CACUL1: variants seen among roughly 807,000 people sequenced by gnomAD.
The protein encoded by CACUL1 is CDK2 associated cullin domain 1.
CACUL1 carries 13 observed loss-of-function variants against 45.2 expected under a neutral mutation model. The ratio of observed to expected loss-of-function variants is 0.29; its 90% CI spans 0.19 to 0.46. The LOEUF (loss-of-function observed/expected upper bound fraction) is 0.46, where lower values mean the gene tolerates loss of function less well. CACUL1 is among the 20% of genes least tolerant of loss of function. The pLI is 1.00. For synonymous variants in CACUL1, 197 were observed against 174.2 expected, an observed-to-expected ratio of 1.13 and a Z score of -1.03; for missense variants, 421 against 471.4, an observed-to-expected ratio of 0.89 and a Z score of 0.99.
intron 2 of CACUL1, 87 bp downstream of exon 2, chr10:118,730,197 A>G: frequency 7.4e-7 from 1 of 1,350,426 alleles, no homozygotes; most frequent in Admixed American, 1.7e-5. Context: ...TATGCATTCT[A>G]CATTACATGT....
rs144869834 is a variant in CACUL1 at position 118,724,045 on chromosome 10, A to G, written c.597+5250T>C. ...CTCCCAAAGTGCTGGGATTACAGGC[A>G]TGAGCCACCACACCTGGCCGAATCA... On this transcript the variant is annotated intron_variant, in intron 3 of 8. Coordinates refer to ENST00000369151, the MANE Select transcript of CACUL1 (RefSeq NM_153810.5). Among the ~76,000 whole-genome samples, 715 of 152,246 alleles carry G rather than the reference A, an allele frequency of 4.7e-3. 3 individuals carry two copies. Among genetic ancestry groups the G allele is most frequent in the African/African-American group, 0.016 (675 of 41,540 alleles).
chr10:118,723,038 G>A (rs1009573299), intron 3 of CACUL1, among the ~76,000 whole-genome samples: 1 of 152,028 alleles, frequency 6.6e-6, no homozygotes, highest in African/African-American at 2.4e-5. Context: ...GTGCCCATGG[G>A]GTAGCCCTGA....
At chr10:118,694,587 T>G (rs1033893915) in intron 6 of CACUL1, among the ~76,000 whole-genome samples, 2 of 152,240 alleles carry the variant, frequency 1.3e-5, no homozygotes, top group African/African-American at 4.8e-5. Flanking sequence ...AAAAGCTCCT[T>G]GGGATTCCTT....
intron 3 of CACUL1, among the ~76,000 whole-genome samples, chr10:118,725,938 CA>C (rs1845648006): frequency 6.6e-6 from 1 of 152,200 alleles, no homozygotes; most frequent in Non-Finnish European, 1.5e-5. Flanking sequence ...GTCCCTCTGA[CA>C]TATAAACTAT....
chr10:118,690,944 G>A (rs1343359831), intron 7 of CACUL1, among the ~76,000 whole-genome samples: 1 of 152,170 alleles, frequency 6.6e-6, no homozygotes, highest in East Asian at 1.9e-4. Context: ...CCAGCTACTT[G>A]GGAGGCTAAG....
chr10:118,736,042 G>A (rs200730513), intron 1 of CACUL1, among the ~76,000 whole-genome samples: 1 of 152,170 alleles, frequency 6.6e-6, no homozygotes, highest in South Asian at 2.1e-4. Context: ...CTGCCTGAAT[G>A]TTCCAGCAAA....
chr10:118,727,660 C>A (rs1421236193), intron 3 of CACUL1, among the ~76,000 whole-genome samples: 1 of 152,148 alleles, frequency 6.6e-6, no homozygotes. Flanking sequence ...CACTTCAGCA[C>A]TGTTAGTAAT....
chr10:118,720,900 AG>A (rs1204175814), intron 3 of CACUL1, among the ~76,000 whole-genome samples: 1 of 152,066 alleles, frequency 6.6e-6, no homozygotes, highest in Non-Finnish European at 1.5e-5. Flanking sequence ...AACTGCTTTA[AG>A]TTCTAGTAGA....
intron 1 of CACUL1, among the ~76,000 whole-genome samples, chr10:118,753,897 G>A (rs1315865793): frequency 5.9e-5 from 9 of 152,200 alleles, no homozygotes; most frequent in Non-Finnish European, 1.0e-4. Context: ...TGTAGATATA[G>A]GTCAACTTTC....
intron 3 of CACUL1, among the ~76,000 whole-genome samples, chr10:118,725,588 T>A (rs1172553006): frequency 6.6e-6 from 1 of 152,172 alleles, no homozygotes; most frequent in African/African-American, 2.4e-5. Flanking sequence ...AATGTATAGA[T>A]ACACATGCAG....
At chr10:118,731,256 G>C (rs1845695177) in intron 1 of CACUL1, among the ~76,000 whole-genome samples, 1 of 152,124 alleles carries the variant, frequency 6.6e-6, no homozygotes, top group Non-Finnish European at 1.5e-5. Flanking sequence ...AACGAGACCA[G>C]GTATTTCACT....
At chr10:118,752,345 A>AG (rs1845907159) in intron 1 of CACUL1, among the ~76,000 whole-genome samples, 2 of 152,158 alleles carry the variant, frequency 1.3e-5, no homozygotes, top group Admixed American at 6.5e-5. Context: ...TAGGTTACCA[A>AG]GAGTTTTTAT....
chr10:118,725,374 CGGAG>C (rs1845642688), intron 3 of CACUL1, among the ~76,000 whole-genome samples: 1 of 151,912 alleles, frequency 6.6e-6, no homozygotes, highest in African/African-American at 2.4e-5. Flanking sequence ...GTGCTGAGGC[CGGAG>C]GATCATTTGA....
intron 1 of CACUL1, among the ~76,000 whole-genome samples, chr10:118,747,902 T>C (rs931798455): frequency 6.6e-6 from 1 of 152,070 alleles, no homozygotes; most frequent in African/African-American, 2.4e-5. Context: ...CTGGCCAACA[T>C]GGTGAAACCC....
Position 118,686,116 on chromosome 10 carries a change from T to C in CACUL1, c.*12A>G. 6.2e-7 allele frequency: 1 copy of C among 1,605,842 alleles called. No individual in the cohort carries two copies. The highest frequency in any genetic ancestry group is 8.5e-7 in the Non-Finnish European group (1 of 1,172,524). On this transcript the variant is annotated 3_prime_UTR_variant, in exon 9 of 9. Coordinates refer to ENST00000369151, the MANE Select transcript of CACUL1 (RefSeq NM_153810.5). ...CCTCTTTTCAGGAAGGAAAGCATAT[T>C]CAATACATTCACTATCTGTACCCCC...
intron 5 of CACUL1, among the ~76,000 whole-genome samples, chr10:118,700,921 AAT>A (rs1845373727): frequency 6.6e-6 from 1 of 152,202 alleles, no homozygotes; most frequent in Non-Finnish European, 1.5e-5. Context: ...CTAGAGTAAA[AAT>A]CAGAGGATTC....
chr10:118,686,686 A>G lies in CACUL1; in HGVS notation c.1026-45T>C, dbSNP rs775961166. ...GTCAACAAAACTGACTTCACATCAA[A>G]ACAGGAGGAAAGGATCAACATATTT... On this transcript the variant is annotated intron_variant, in intron 7 of 8. Coordinates refer to ENST00000369151, the MANE Select transcript of CACUL1 (RefSeq NM_153810.5). 19 of 1,330,650 alleles carry G rather than the reference A, an allele frequency of 1.4e-5. No homozygotes were observed. The African/African-American group carries it at 1.6e-4, about 11-fold the overall frequency. The allele number at this position is 1,330,650 out of a possible 1,614,324, so 82.4% of individuals were successfully genotyped here. A position where few individuals can be genotyped will look rare whatever the true frequency, so the allele number is the denominator to read the frequency against.
At chr10:118,743,973 TTCCA>T (rs141529614) in intron 1 of CACUL1, among the ~76,000 whole-genome samples, 2,211 of 151,660 alleles carry the variant, frequency 0.015, 51 homozygotes, top group African/African-American at 0.05. Flanking sequence ...AGGTGGAAAC[TTCCA>T]TCTACACAAA....
At chr10:118,726,105 T>C (rs988798441) in intron 3 of CACUL1, among the ~76,000 whole-genome samples, 10 of 152,214 alleles carry the variant, frequency 6.6e-5, no homozygotes, top group African/African-American at 2.4e-4. Context: ...AATATTTCAT[T>C]ATGAAAACCA....
Sources: allele counts gnomAD v4.1 joint callset (sites outside exome capture counted in the v4.1 genomes callset), GRCh38; gene constraint gnomAD v4.1.1; transcripts MANE v1.5; gene names NCBI Gene and HGNC (gene_info 2026-07-23, HGNC 2026-07-21).